LINGO2: variants seen among roughly 807,000 people sequenced by gnomAD.
LINGO2 encodes leucine-rich repeat and immunoglobulin-like domain-containing nogo receptor-interacting protein 2.
LINGO2 carries 14 observed loss-of-function variants against 30.6 expected under a neutral mutation model. That is an observed-to-expected ratio of 0.46 (90% CI 0.30 to 0.72). The LOEUF (loss-of-function observed/expected upper bound fraction) is 0.72. Ranked by LOEUF, LINGO2 falls within the 30% of genes least tolerant of loss-of-function variation. The probability of loss-of-function intolerance (pLI) is 0.07; values close to 1 mark genes in which losing one functional copy is unlikely to be tolerated. For synonymous variants in LINGO2, 317 were observed against 288.5 expected (o/e 1.10, Z -1.00); for missense variants, 729 against 751.7 (o/e 0.97, Z 0.35).
At chr9:28,043,116 A>G (rs1465820807) in intron 4 of LINGO2, among the ~76,000 whole-genome samples, 1 of 152,248 alleles carries the variant, frequency 6.6e-6, no homozygotes, top group African/African-American at 2.4e-5. Flanking sequence ...TCTGCAGGGC[A>G]TCCTGGCTGC....
the LINGO2 span, among the ~76,000 whole-genome samples, chr9:29,183,466 T>G: frequency 7.2e-5 from 11 of 152,066 alleles, no homozygotes; most frequent in African/African-American, 2.4e-4. Context: ...ATTTTGGAGT[T>G]CAAAAAGTAA....
chr9:29,072,682 C>T, the LINGO2 span, among the ~76,000 whole-genome samples: 3 of 149,248 alleles, frequency 2.0e-5, no homozygotes, highest in African/African-American at 7.4e-5. Context: ...CCTTCTTCCC[C>T]CTCTTATCAT....
rs1258988498 is a variant in LINGO2, at chr9:28,251,598, T to G, written c.-87+43610A>C. On this transcript the variant is annotated intron_variant, in intron 4 of 5. Transcript: ENST00000379992. ...TTTGCAATCTCTTTAGCAGATTGTC[T>G]GTGGTGGGCATCACATTCTGATTTA... 2.6e-5 allele frequency among the ~76,000 whole-genome samples: 4 copies of G among 151,394 alleles called. No homozygotes were observed. In the East Asian group the frequency reaches 7.8e-4, roughly 29 times the overall value.
At chr9:28,382,734 C>G (rs1182939314) in intron 2 of LINGO2, among the ~76,000 whole-genome samples, 1 of 152,082 alleles carries the variant, frequency 6.6e-6, no homozygotes, top group East Asian at 1.9e-4. Context: ...GTTGACATAA[C>G]TCTTTAACTT....
chr9:29,084,791 T>C, the LINGO2 span, among the ~76,000 whole-genome samples: 1 of 152,054 alleles, frequency 6.6e-6, no homozygotes, highest in Non-Finnish European at 1.5e-5. Context: ...TTTATGTATG[T>C]GATTATTTTA....
the LINGO2 span, among the ~76,000 whole-genome samples, chr9:28,847,041 C>T: frequency 3.4e-5 from 5 of 147,718 alleles, no homozygotes; most frequent in Non-Finnish European, 6.0e-5. Context: ...AATATCAGGC[C>T]ACATATATTT....
At chr9:28,615,739 G>A (rs909100203) in intron 1 of LINGO2, among the ~76,000 whole-genome samples, 2 of 152,116 alleles carry the variant, frequency 1.3e-5, no homozygotes, top group Non-Finnish European at 2.9e-5. Flanking sequence ...CAGTGTTGGT[G>A]AGGTAATTAA....
chr9:28,582,581 C>G (rs554711913), intron 1 of LINGO2, among the ~76,000 whole-genome samples: 1 of 152,174 alleles, frequency 6.6e-6, no homozygotes, highest in East Asian at 1.9e-4. Context: ...ATCCAGCCAT[C>G]AATAAGAGCT....
the LINGO2 span, among the ~76,000 whole-genome samples, chr9:29,013,112 G>A: frequency 1.3e-5 from 2 of 152,232 alleles, no homozygotes; most frequent in East Asian, 1.9e-4. Context: ...GGAAAATCTC[G>A]TATTGACTGT....
chr9:28,577,530 T>C (rs1372987428), intron 1 of LINGO2, among the ~76,000 whole-genome samples: 1 of 152,172 alleles, frequency 6.6e-6, no homozygotes, highest in Non-Finnish European at 1.5e-5. Context: ...CAAATTTGCA[T>C]GGAGGCTAAT....
At chr9:28,167,443 C>A (rs1291453573) in intron 4 of LINGO2, among the ~76,000 whole-genome samples, 3 of 152,178 alleles carry the variant, frequency 2.0e-5, no homozygotes. Flanking sequence ...TGCAGTGGCA[C>A]GATCACAGAT....
At chr9:28,415,524 C>T (rs951117100) in intron 2 of LINGO2, among the ~76,000 whole-genome samples, 2 of 152,144 alleles carry the variant, frequency 1.3e-5, no homozygotes, top group African/African-American at 2.4e-5. Context: ...CTTGCTGGAG[C>T]TCACTTGGCT....
At chr9:28,369,235 T>C (rs1820806015) in intron 3 of LINGO2, among the ~76,000 whole-genome samples, 1 of 152,338 alleles carries the variant, frequency 6.6e-6, no homozygotes, top group South Asian at 2.1e-4. Flanking sequence ...ACTATGACTA[T>C]CTTTGTCCAT....
chr9:29,152,648 T>C, the LINGO2 span, among the ~76,000 whole-genome samples: 5 of 152,094 alleles, frequency 3.3e-5, no homozygotes, highest in Non-Finnish European at 7.4e-5. Context: ...GAAACTACTA[T>C]AGGAGGAAAT....
At chr9:29,069,434 T>C in the LINGO2 span, among the ~76,000 whole-genome samples, 24 of 144,172 alleles carry the variant, frequency 1.7e-4, 1 homozygote, top group East Asian at 4.4e-3. Flanking sequence ...TATTATATAA[T>C]GTATCTAGGT....
At chr9:28,079,491 G>A (rs4878679) in intron 4 of LINGO2, among the ~76,000 whole-genome samples, 54,864 of 152,020 alleles carry the variant, frequency 0.36, 10,617 homozygotes, top group East Asian at 0.65. Context: ...CTACTTTATC[G>A]TTTGAAAGCT....
chr9:28,236,456 A>G (rs1035466071), intron 4 of LINGO2, among the ~76,000 whole-genome samples: 1 of 152,212 alleles, frequency 6.6e-6, no homozygotes, highest in African/African-American at 2.4e-5. Flanking sequence ...TGTAGTGTGT[A>G]TACGTTTCCT....
At chr9:28,762,285 A>G in the LINGO2 span, among the ~76,000 whole-genome samples, 12 of 152,148 alleles carry the variant, frequency 7.9e-5, no homozygotes, top group African/African-American at 2.7e-4. Context: ...CGTATTTATA[A>G]AGATAGCTAA....
At chr9:27,986,490 G>A (rs148389367) in intron 5 of LINGO2, among the ~76,000 whole-genome samples, 119 of 151,884 alleles carry the variant, frequency 7.8e-4, no homozygotes, top group Non-Finnish European at 1.4e-3. Flanking sequence ...CACCATTTAG[G>A]AGTAGGGCCT....
Sources: gnomAD v4.1 joint callset for allele counts (sites outside exome capture counted in the v4.1 genomes callset) on GRCh38, gnomAD v4.1.1 for gene constraint, MANE v1.5 for transcripts, NCBI Gene and HGNC (gene_info 2026-07-23, HGNC 2026-07-21) for gene names.